The following TAS1R2 variants were observed in gnomAD, a reference collection of about 807,000 sequenced individuals.
The protein encoded by TAS1R2 is taste receptor type 1 member 2.
In TAS1R2, 47 loss-of-function variants were observed where a neutral mutation model predicts 49.3. The ratio of observed to expected loss-of-function variants is 0.95; its 90% CI spans 0.75 to 1.22. The LOEUF (loss-of-function observed/expected upper bound fraction) is 1.22. TAS1R2 is among the 50% of genes most tolerant of loss of function. TAS1R2 has a pLI of 0.00. For missense variants in TAS1R2, 1,155 were observed against 1,122.1 expected, an observed-to-expected ratio of 1.03 and a Z score of -0.42; for synonymous variants, 479 against 467.9, an observed-to-expected ratio of 1.02 and a Z score of -0.31.
Position 18,854,441 on chromosome 1 carries a change from T to TG in TAS1R2, c.1028dup (p.Gln344ThrfsTer63). On this transcript the variant is annotated frameshift_variant, in exon 3 of 6. Coordinates refer to ENST00000375371, the Ensembl canonical transcript of TAS1R2. LOFTEE classifies it high-confidence loss of function. The surrounding 1 kb of genome is among the most constrained non-coding windows in gnomAD (Gnocchi z 4.9). ...TGCTGAGGGGTGGCGGCCCAGCCTG[T>TG]GGGCCCCACTCGCGGAACTCACTGA... The TG allele has an allele frequency of 6.2e-7, 1 of 1,614,122 alleles. No individual in the cohort carries two copies. The highest frequency in any genetic ancestry group is 8.5e-7 in the Non-Finnish European group (1 of 1,180,012).
exon 4 of TAS1R2, chr1:18,849,363 G>A (rs1245793330): frequency 6.2e-7 from 1 of 1,614,092 alleles, no homozygotes; most frequent in Admixed American, 1.7e-5. Flanking sequence ...GGTGTGCCAG[G>A]AGATGTCTTG....
At chr1:18,841,775 G>C (rs1477056175) in exon 5 of TAS1R2, 2 of 1,613,890 alleles carry the variant, frequency 1.2e-6, no homozygotes, top group Non-Finnish European at 1.7e-6. Context: ...CGATGCACTC[G>C]AAGCAGCAGA....
At chr1:18,853,707 C>T (rs912417131) in intron 3 of TAS1R2, among the ~76,000 whole-genome samples, 7 of 152,100 alleles carry the variant, frequency 4.6e-5, no homozygotes, top group Admixed American at 6.5e-5. Flanking sequence ...AATGTAAATC[C>T]CCCCTGCTCC....
chr1:18,850,810 C>T (rs1934008233), intron 3 of TAS1R2, among the ~76,000 whole-genome samples: 1 of 152,222 alleles, frequency 6.6e-6, no homozygotes, highest in Non-Finnish European at 1.5e-5. Context: ...CCCCATCTAG[C>T]CCTACCCCTA....
At chr1:18,843,505 A>G (rs1933864079) in intron 4 of TAS1R2, among the ~76,000 whole-genome samples, 1 of 152,248 alleles carries the variant, frequency 6.6e-6, no homozygotes, top group African/African-American at 2.4e-5. Context: ...GCTCCTGGAA[A>G]TACTACTGCA....
chr1:18,841,860 G>A lies in TAS1R2; in HGVS notation c.1468-8C>T, dbSNP rs115820797. The stretch of plus-strand genomic sequence containing the variant: ...ACACATGGACATAGGGATCTGGAGG[G>A]AGGAGGGCAAGAGACCCTGAGTCCT... On this transcript the variant is annotated splice_polypyrimidine_tract_variant and splice_region_variant and intron_variant, in intron 4 of 5. Coordinates refer to ENST00000375371, the Ensembl canonical transcript of TAS1R2. The A allele has an allele frequency of 1.1e-3, 1,769 of 1,588,270 alleles. 19 individuals are homozygous for A. In the African/African-American group the frequency reaches 0.022, roughly 20 times the overall value.
chr1:18,852,009 C>T (rs1934037498), intron 3 of TAS1R2, among the ~76,000 whole-genome samples: 1 of 152,224 alleles, frequency 6.6e-6, no homozygotes. Context: ...CCGTGTCCGG[C>T]ACATAAGTGC....
At chr1:18,846,194 G>T (rs1460599225) in intron 4 of TAS1R2, among the ~76,000 whole-genome samples, 1 of 152,192 alleles carries the variant, frequency 6.6e-6, no homozygotes, top group Non-Finnish European at 1.5e-5. Flanking sequence ...CTGCCCTAAG[G>T]CTGCAGTATG....
At chr1:18,846,526 C>A (rs1933922802) in intron 4 of TAS1R2, among the ~76,000 whole-genome samples, 1 of 152,206 alleles carries the variant, frequency 6.6e-6, no homozygotes, top group Admixed American at 6.5e-5. Context: ...CTGGGAGACA[C>A]CAAAGCTAAG....
intron 3 of TAS1R2, among the ~76,000 whole-genome samples, chr1:18,851,656 G>T (rs1039552080): frequency 1.3e-5 from 2 of 152,080 alleles, no homozygotes; most frequent in Admixed American, 1.3e-4. Flanking sequence ...TGCTGTGATG[G>T]CCACAAATTT....
At chr1:18,852,736 T>C (rs1386350264) in intron 3 of TAS1R2, among the ~76,000 whole-genome samples, 1 of 152,166 alleles carries the variant, frequency 6.6e-6, no homozygotes, top group Non-Finnish European at 1.5e-5. Flanking sequence ...GCCACCACTC[T>C]CCCACTCTCC....
Position 18,854,440 on chromosome 1 carries a change from G to A in TAS1R2, c.1030C>T (p.Gln344Ter), listed in dbSNP as rs1378042567. The change falls in exon 3 of 6, where the codon CAG (glutamine) becomes TAG (stop). Residue 344 changes from glutamine to a stop codon, truncating the protein, a stop_gained. Transcript: ENST00000375371. LOFTEE classifies it high-confidence loss of function. This position sits in a 1 kb window ranked among gnomAD's most constrained non-coding sequence, Gnocchi z 4.9. ...CTGCTGAGGGGTGGCGGCCCAGCCTGTGGGCCCCACTCGCGGAACTCACTG... is the reference window on the plus strand; with the variant it reads ...CTGCTGAGGGGTGGCGGCCCAGCCTATGGGCCCCACTCGCGGAACTCACTG... 1.9e-6 allele frequency: 3 copies of A among 1,614,176 alleles called. 1 individual carries two copies. Among genetic ancestry groups the A allele is most frequent in the South Asian group, 2.2e-5 (2 of 91,076 alleles).
chr1:18,854,710 G>C lies in TAS1R2; in HGVS notation c.760C>G (p.Arg254Gly). The change falls in exon 3 of 6, where the codon CGC (arginine) becomes GGC (glycine). Residue 254 changes from arginine (R) to glycine (G), a missense_variant. Physicochemically the swap from Arg to Gly is moderately radical, Grantham distance 125. Coordinates refer to ENST00000375371, the Ensembl canonical transcript of TAS1R2. The surrounding 1 kb of genome is among the most constrained non-coding windows in gnomAD (Gnocchi z 4.9). ...TCCACAATGGTCACCAGGCGCTGGC[G>C]CTCCTCTGACGTCATGTTCTGGTTG... 4.3e-6 allele frequency: 7 copies of C among 1,613,262 alleles called. No individual in the cohort carries two copies. The highest frequency in any genetic ancestry group is 4.0e-5 in the African/African-American group (3 of 75,050).
Position 18,854,223 on chromosome 1 carries a change from T to C in TAS1R2, c.1247A>G (p.Tyr416Cys), listed in dbSNP as rs765112585. Residue 416 changes from tyrosine to cysteine, a missense_variant, in exon 3 of 6, where the codon TAC becomes TGC. By Grantham distance (194) the Tyr-to-Cys change is radical. Coordinates refer to ENST00000375371, the Ensembl canonical transcript of TAS1R2. This position sits in a 1 kb window ranked among gnomAD's most constrained non-coding sequence, Gnocchi z 4.9. ...CAGCCACCCCCTCACCTGCCAGGGG[T>C]AGACCACCCTCTTGGTGCAGGTGCT... The C allele has an allele frequency of 6.2e-7, 1 of 1,612,688 alleles. No individual in the cohort carries two copies. Among genetic ancestry groups the C allele is most frequent in the South Asian group, 1.1e-5 (1 of 90,992 alleles).
chr1:18,848,920 A>T (rs1279336072), intron 4 of TAS1R2, among the ~76,000 whole-genome samples: 1 of 152,230 alleles, frequency 6.6e-6, no homozygotes, highest in African/African-American at 2.4e-5. Context: ...AATAATAGAG[A>T]TAAAGCACAC....
intron 4 of TAS1R2, among the ~76,000 whole-genome samples, chr1:18,844,343 G>A (rs1310285711): frequency 6.6e-6 from 1 of 152,188 alleles, no homozygotes; most frequent in East Asian, 1.9e-4. Context: ...AAGTTGCTTG[G>A]GGAAAGGTAT....
Position 18,854,654 on chromosome 1 carries a change from C to T in TAS1R2, c.816G>A (p.Val272=). 6.2e-7 allele frequency: 1 copy of T among 1,614,008 alleles called. No individual in the cohort carries two copies. The highest frequency in any genetic ancestry group is 8.5e-7 in the Non-Finnish European group (1 of 1,179,974). ...GGGTCAGGTCGGGCGAGAACACGACCACGACGCGCGCTGTGCTCTGCTGCA... is the reference window on the plus strand; with the variant it reads ...GGGTCAGGTCGGGCGAGAACACGACTACGACGCGCGCTGTGCTCTGCTGCA... Residue 272 remains valine, a synonymous_variant, in exon 3 of 6, where the codon GTG becomes GTA. Coordinates refer to ENST00000375371, the Ensembl canonical transcript of TAS1R2. This position sits in a 1 kb window ranked among gnomAD's most constrained non-coding sequence, Gnocchi z 4.9.
chr1:18,839,992 G>T (rs764548657), exon 6 of TAS1R2: 2 of 1,614,100 alleles, frequency 1.2e-6, no homozygotes, highest in Non-Finnish European at 8.5e-7. Flanking sequence ...GGTCATCGGG[G>T]TCAGTACGGG....
intron 4 of TAS1R2, among the ~76,000 whole-genome samples, chr1:18,843,584 T>G (rs7534618): frequency 0.31 from 47,384 of 152,108 alleles, 7,749 homozygotes; most frequent in East Asian, 0.45. Context: ...AGAAAATGAC[T>G]CTGAAGAAGG....
Sources: gnomAD v4.1 joint callset for allele counts (sites outside exome capture counted in the v4.1 genomes callset) on GRCh38, gnomAD v4.1.1 for gene constraint, Gnocchi (gnomAD v3.1) non-coding constraint, MANE v1.5 for transcripts, NCBI Gene and HGNC (gene_info 2026-07-23, HGNC 2026-07-21) for gene names.